The following ZNF532 variants were observed in gnomAD, a reference collection of about 807,000 sequenced individuals.
ZNF532 encodes zinc finger protein 532.
A neutral mutation model predicts 89.3 loss-of-function variants in ZNF532; 22 were observed. The ratio of observed to expected loss-of-function variants is 0.25; its 90% CI spans 0.18 to 0.35. The LOEUF is 0.35. Ranked by LOEUF, ZNF532 falls within the 10% of genes least tolerant of loss-of-function variation. ZNF532 has a pLI of 1.00. For missense variants in ZNF532, 1,132 were observed against 1,643.4 expected (o/e 0.69, Z 5.38); for synonymous variants, 606 against 649.6 (o/e 0.93, Z 1.02).
At chr18:58,937,283 T>C (rs2062562693) in intron 4 of ZNF532, among the ~76,000 whole-genome samples, 1 of 152,224 alleles carries the variant, frequency 6.6e-6, no homozygotes, top group Non-Finnish European at 1.5e-5. Flanking sequence ...GAAGTCTGCC[T>C]TTCTTTGTCT....
chr18:58,912,746 T>C (rs1287320329), intron 2 of ZNF532, among the ~76,000 whole-genome samples: 1 of 152,246 alleles, frequency 6.6e-6, no homozygotes, highest in Non-Finnish European at 1.5e-5. Flanking sequence ...CCATAGCTTT[T>C]TTCATAACTG....
chr18:58,928,795 G>GGTTA lies in ZNF532; in HGVS notation c.2347-5637_2347-5634dup, dbSNP rs1314806393. 3.3e-5 allele frequency among the ~76,000 whole-genome samples: 5 copies of GGTTA among 152,158 alleles called. No individual in the cohort carries two copies. The East Asian group carries it at 9.6e-4, about 29-fold the overall frequency. On this transcript the variant is annotated intron_variant, in intron 3 of 9. Coordinates refer to ENST00000591808, the MANE Select transcript of ZNF532 (RefSeq NM_001375912.1). ...TATCTGCTTAATAATCTCTGCTTTG[G>GGTTA]GTTACGTTGAGAAAAGGGAGTGGGC...
chr18:58,873,857 A>G (rs17834282), intron 2 of ZNF532, among the ~76,000 whole-genome samples: 12,961 of 152,208 alleles, frequency 0.085, 1,056 homozygotes, highest in East Asian at 0.39. Flanking sequence ...CCAGCTCTCA[A>G]TGATATAAAC....
At chr18:58,944,802 T>A (rs12457113) in intron 5 of ZNF532, among the ~76,000 whole-genome samples, 31,531 of 152,084 alleles carry the variant, frequency 0.21, 3,950 homozygotes, top group East Asian at 0.56. Context: ...TGGAAGAACA[T>A]GGAGAGAACG....
intron 6 of ZNF532, among the ~76,000 whole-genome samples, chr18:58,951,713 G>A (rs1275638977): frequency 1.4e-5 from 2 of 143,464 alleles, no homozygotes; most frequent in African/African-American, 5.2e-5. Context: ...GCAGTGGGGA[G>A]ATCTCTGCTC....
At chr18:58,941,468 C>CTCT (rs751704925) in intron 5 of ZNF532, among the ~76,000 whole-genome samples, 22 of 114,906 alleles carry the variant, frequency 1.9e-4, no homozygotes, top group African/African-American at 6.2e-4. Context: ...CTCTCTCTCT[C>CTCT]TTTTTTTTTT....
At chr18:58,974,620 A>C (rs1346922187) in intron 7 of ZNF532, among the ~76,000 whole-genome samples, 1 of 152,258 alleles carries the variant, frequency 6.6e-6, no homozygotes, top group East Asian at 1.9e-4. Flanking sequence ...GAGAAATACC[A>C]AGTGACTACA....
upstream of ZNF532, among the ~76,000 whole-genome samples, chr18:58,863,925 CCCGCAGTGGCCTGT>C (rs1325493557): frequency 7.4e-4 from 112 of 151,948 alleles, no homozygotes; most frequent in Non-Finnish European, 1.4e-3. Flanking sequence ...CCTGGGCCTG[CCCGCAGTGGCCTGT>C]CCCACCCTGG....
intron 7 of ZNF532, among the ~76,000 whole-genome samples, chr18:58,956,012 T>C (rs575117683): frequency 5.1e-4 from 78 of 152,366 alleles, no homozygotes; most frequent in Non-Finnish European, 7.5e-4. Flanking sequence ...TTTCATTTCG[T>C]GAGATTTCTG....
At chr18:58,909,243 G>T (rs1294874146) in intron 2 of ZNF532, among the ~76,000 whole-genome samples, 1 of 152,128 alleles carries the variant, frequency 6.6e-6, no homozygotes, top group Non-Finnish European at 1.5e-5. Flanking sequence ...GTGAGCCACC[G>T]CGCCCAGCCT....
rs564102842 is a variant in ZNF532, at chr18:58,937,195, A to G, written c.2529-2250A>G. On this transcript the variant is annotated intron_variant, in intron 4 of 9. Transcript: ENST00000591808. ...AAATAAAGAAACTTTATTGCTATCC[A>G]GAATAGGACTTCAGGATATTACGTA... 7.2e-5 allele frequency among the ~76,000 whole-genome samples: 11 copies of G among 152,294 alleles called. No homozygotes were observed. The South Asian group carries it at 1.9e-3, about 26-fold the overall frequency.
Position 58,919,054 on chromosome 18 carries a change from T to C in ZNF532, c.767T>C (p.Val256Ala), listed in dbSNP as rs2060822257. ...AAGAATGACACCAGCCTCCCCAGCG[T>C]TGCGCCATCAAAGACAAAGTCGTCC... ...SEKNDTSLPSVAPSKTKSSSK... is the reference protein window; with the variant it reads ...SEKNDTSLPSAAPSKTKSSSK... Residue 256 changes from valine to alanine, a missense_variant, in exon 3 of 10, where the codon GTT becomes GCT. Val to Ala is a moderately conservative substitution (Grantham distance 64). Coordinates refer to ENST00000591808, the MANE Select transcript of ZNF532 (RefSeq NM_001375912.1). This position sits in a 1 kb window ranked among gnomAD's most constrained non-coding sequence, Gnocchi z 6.1. 1 of 1,613,988 alleles carries C rather than the reference T, an allele frequency of 6.2e-7. No individual in the cohort carries two copies. The highest frequency in any genetic ancestry group is 2.2e-5 in the East Asian group (1 of 44,878).
At chr18:58,902,227 G>T (rs2145680203) in intron 2 of ZNF532, among the ~76,000 whole-genome samples, 1 of 152,216 alleles carries the variant, frequency 6.6e-6, no homozygotes, top group African/African-American at 2.4e-5. Flanking sequence ...GGTGGGCAGG[G>T]TTAGACGGGG....
At chr18:58,957,935 G>C (rs1311086077) in intron 7 of ZNF532, among the ~76,000 whole-genome samples, 1 of 152,028 alleles carries the variant, frequency 6.6e-6, no homozygotes, top group Non-Finnish European at 1.5e-5. Flanking sequence ...CATAGTGGCA[G>C]GTGCCTTGTA....
intron 7 of ZNF532, among the ~76,000 whole-genome samples, chr18:58,972,170 T>TACTG (rs2066534357): frequency 6.6e-6 from 1 of 152,202 alleles, no homozygotes; most frequent in Non-Finnish European, 1.5e-5. Context: ...ACTACTGCAC[T>TACTG]CCAGCCTGGG....
Position 58,984,574 on chromosome 18 carries a change from C to T in ZNF532, c.*108C>T. On this transcript the variant is annotated 3_prime_UTR_variant, in exon 10 of 10. Coordinates refer to ENST00000591808, the MANE Select transcript of ZNF532 (RefSeq NM_001375912.1). ...GTTAACAGTACTGTCTAGGCTGTTG[C>T]AATATATTCTCTTTCAATGTACCTT... The T allele has an allele frequency of 7.5e-7, 1 of 1,334,052 alleles. No homozygotes were observed. Among genetic ancestry groups the T allele is most frequent in the Non-Finnish European group, 1.0e-6 (1 of 992,112 alleles). 82.6% of individuals were successfully genotyped at this position (1,334,052 alleles called of 1,614,324 possible).
chr18:58,906,567 G>A (rs1184956427), intron 2 of ZNF532, among the ~76,000 whole-genome samples: 1 of 152,184 alleles, frequency 6.6e-6, no homozygotes, highest in Non-Finnish European at 1.5e-5. Context: ...GGAGAATGGT[G>A]TGGGAAATGC....
At chr18:58,979,194 A>G in intron 8 of ZNF532, 27 bp downstream of exon 8, 1 of 1,586,852 alleles carries the variant, frequency 6.3e-7, no homozygotes, top group Non-Finnish European at 8.6e-7. Context: ...AACGGAACGC[A>G]GTGAGAGGAC....
chr18:58,904,887 G>C (rs1465742687), intron 2 of ZNF532, among the ~76,000 whole-genome samples: 1 of 150,934 alleles, frequency 6.6e-6, no homozygotes, highest in African/African-American at 2.4e-5. Flanking sequence ...TGTCACCCAG[G>C]CTGGAGTGTA....
Sources: allele counts gnomAD v4.1 joint callset (sites outside exome capture counted in the v4.1 genomes callset), GRCh38; gene constraint gnomAD v4.1.1; non-coding constraint Gnocchi (gnomAD v3.1); transcripts MANE v1.5; gene names NCBI Gene and HGNC (gene_info 2026-07-23, HGNC 2026-07-21).